The following OPHN1 variants were observed in gnomAD, a reference collection of about 807,000 sequenced individuals.
OPHN1 encodes oligophrenin 1.
A neutral mutation model predicts 60.7 loss-of-function variants in OPHN1; 11 were observed. The observed-to-expected ratio is 0.18, with a 90% CI of 0.11 to 0.30. OPHN1 has a LOEUF of 0.30. OPHN1 is among the 10% of genes least tolerant of loss of function. The pLI is 1.00. For synonymous variants in OPHN1, 226 were observed against 222.6 expected (o/e 1.02, Z -0.14); for missense variants, 449 against 611.0 (o/e 0.73, Z 2.80).
intron 2 of OPHN1, among the ~76,000 whole-genome samples, chrX:68,405,496 T>G (rs2078737971): frequency 9.0e-6 from 1 of 111,688 alleles, no homozygotes; most frequent in African/African-American, 3.3e-5. Flanking sequence ...TGGCCCATTA[T>G]AGTCTTTGGG....
chrX:68,361,144 C>T (rs1214739671), intron 2 of OPHN1: 1 of 111,607 alleles, frequency 9.0e-6, no homozygotes, highest in African/African-American at 3.3e-5. Flanking sequence ...ACTTCTTGTT[C>T]TACTCTTTGC....
intron 5 of OPHN1, among the ~76,000 whole-genome samples, chrX:68,247,838 G>C (rs959937052): frequency 2.7e-5 from 3 of 110,068 alleles, no homozygotes; most frequent in Non-Finnish European, 5.7e-5. Flanking sequence ...GCTGAGGTGG[G>C]AGGTTGCAAT....
At chrX:68,053,399 A>G (rs1011184624) in intron 22 of OPHN1, among the ~76,000 whole-genome samples, 4 of 111,981 alleles carry the variant, frequency 3.6e-5, no homozygotes, top group Non-Finnish European at 7.5e-5. Flanking sequence ...GAGATAAAGG[A>G]AGCTAAGAAA....
chrX:68,216,528 A>C (rs2077610036), intron 6 of OPHN1, among the ~76,000 whole-genome samples: 1 of 111,594 alleles, frequency 9.0e-6, no homozygotes, highest in South Asian at 3.7e-4. Flanking sequence ...ACCTGAAACC[A>C]TAAAACTTCT....
At chrX:68,430,128 G>A (rs775435872) in intron 2 of OPHN1, among the ~76,000 whole-genome samples, 1 of 108,153 alleles carries the variant, frequency 9.2e-6, no homozygotes, top group South Asian at 3.7e-4. Context: ...CGATTCCAGT[G>A]TTCCTTTTTC....
intron 15 of OPHN1, among the ~76,000 whole-genome samples, chrX:68,169,384 C>T (rs1486113914): frequency 5.4e-5 from 6 of 110,705 alleles, no homozygotes; most frequent in Admixed American, 9.6e-5. Context: ...TAATGCCATC[C>T]CCATCAAGCT....
chrX:68,184,381 G>C (rs2077452250), intron 15 of OPHN1, among the ~76,000 whole-genome samples: 1 of 108,917 alleles, frequency 9.2e-6, no homozygotes, highest in Non-Finnish European at 1.9e-5. Flanking sequence ...AATTAGCCAG[G>C]TGTGGTGGCA....
chrX:68,061,566 G>A (rs1161468994), intron 21 of OPHN1, among the ~76,000 whole-genome samples: 1 of 111,860 alleles, frequency 8.9e-6, no homozygotes, highest in African/African-American at 3.2e-5. Context: ...TGTCTCAGAA[G>A]AGCCAAGTCA....
chrX:68,287,121 G>A (rs2078045120), intron 3 of OPHN1, among the ~76,000 whole-genome samples: 1 of 93,850 alleles, frequency 1.1e-5, no homozygotes, highest in South Asian at 5.3e-4. Context: ...AAAAAAGAAA[G>A]AGAGAGAGAA....
rs778350733 is a variant in OPHN1, at chrX:68,068,324, A to T, written c.1835-4147T>A. ...ATCTCTACTAAAAATACAAAAAATT[A>T]GCCTGGTGTGGTGGTATGCACCTGT... On this transcript the variant is annotated intron_variant, in intron 20 of 24. Coordinates refer to ENST00000355520, the MANE Select transcript of OPHN1 (RefSeq NM_002547.3). 6.4e-5 allele frequency among the ~76,000 whole-genome samples: 7 copies of T among 109,412 alleles called. No homozygotes were observed. The South Asian group carries it at 2.5e-3, about 39-fold the overall frequency.
At chrX:68,428,076 C>A (rs2078868431) in intron 2 of OPHN1, among the ~76,000 whole-genome samples, 1 of 111,253 alleles carries the variant, frequency 9.0e-6, no homozygotes, top group Non-Finnish European at 1.9e-5. Context: ...ATTTGCTGTC[C>A]CCTTTATATT....
intron 2 of OPHN1, among the ~76,000 whole-genome samples, chrX:68,397,098 T>C (rs2078688697): frequency 8.9e-6 from 1 of 112,374 alleles, no homozygotes; most frequent in Admixed American, 9.4e-5. Flanking sequence ...AGAGCTGTGC[T>C]GGAACACCCT....
At chrX:68,393,594 T>C (rs905302791) in intron 2 of OPHN1, among the ~76,000 whole-genome samples, 14 of 112,190 alleles carry the variant, frequency 1.2e-4, no homozygotes, top group African/African-American at 4.2e-4. Context: ...AATTGGAGTT[T>C]CATGCGTCAA....
intron 15 of OPHN1, among the ~76,000 whole-genome samples, chrX:68,165,519 C>T (rs1471280276): frequency 9.0e-6 from 1 of 111,274 alleles, no homozygotes; most frequent in African/African-American, 3.3e-5. Flanking sequence ...TCTTATATAG[C>T]GTGGTTTGTG....
intron 5 of OPHN1, among the ~76,000 whole-genome samples, chrX:68,235,949 T>C (rs1284479151): frequency 9.1e-6 from 1 of 109,980 alleles, no homozygotes; most frequent in African/African-American, 3.3e-5. Flanking sequence ...CTAACATTCA[T>C]TAACCAAGGC....
chrX:68,287,464 CAA>C (rs1242764459), intron 3 of OPHN1, among the ~76,000 whole-genome samples: 784 of 65,045 alleles, frequency 0.012, 14 homozygotes, highest in African/African-American at 0.042. Context: ...AGTTCTGTCT[CAA>C]AAAAAAAAAA....
At chrX:68,268,050 C>G (rs2077942123) in intron 5 of OPHN1, among the ~76,000 whole-genome samples, 1 of 111,157 alleles carries the variant, frequency 9.0e-6, no homozygotes, top group Non-Finnish European at 1.9e-5. Context: ...AATAGCTTAC[C>G]AACCAAAAAA....
intron 19 of OPHN1, among the ~76,000 whole-genome samples, chrX:68,088,563 G>T (rs1401106191): frequency 9.0e-6 from 1 of 111,355 alleles, no homozygotes; most frequent in East Asian, 2.8e-4. Context: ...TGACTACAAA[G>T]ACTTAGTAGA....
intron 21 of OPHN1, among the ~76,000 whole-genome samples, chrX:68,054,487 A>C (rs1287792780): frequency 9.0e-6 from 1 of 111,118 alleles, no homozygotes; most frequent in African/African-American, 3.3e-5. Context: ...CATACATATG[A>C]GACGGTTCAT....
Sources: gnomAD v4.1 joint callset for allele counts (sites outside exome capture counted in the v4.1 genomes callset) on GRCh38, gnomAD v4.1.1 for gene constraint, MANE v1.5 for transcripts, NCBI Gene and HGNC (gene_info 2026-07-23, HGNC 2026-07-21) for gene names.